Variants in GAK observed in about 807,000 individuals in gnomAD.
GAK encodes cyclin G associated kinase, also known as cyclin-G-associated kinase.
In GAK, 79 loss-of-function variants were observed where a neutral mutation model predicts 143.9. That is an observed-to-expected ratio of 0.55 (90% CI 0.46 to 0.66). The LOEUF is 0.66. Ranked by LOEUF, GAK falls within the 30% of genes least tolerant of loss-of-function variation. The probability of loss-of-function intolerance (pLI) is 0.00; values close to 1 mark genes in which losing one functional copy is unlikely to be tolerated. For missense variants in GAK, 1,693 were observed against 1,779.7 expected (o/e 0.95, Z 0.88); for synonymous variants, 881 against 765.5 (o/e 1.15, Z -2.49).
intron 24 of GAK, chr4:859,145 G>A (rs1749811981): frequency 1.0e-6 from 1 of 982,940 alleles, no homozygotes; most frequent in African/African-American, 1.7e-5. Context: ...CGGGCCTGAG[G>A]CAGACGTGGG....
intron 14 of GAK, 60 bp downstream of exon 14, chr4:882,637 T>A: frequency 6.3e-7 from 1 of 1,588,660 alleles, no homozygotes; most frequent in South Asian, 1.1e-5. Flanking sequence ...CCTGTTGAAC[T>A]ATGCATGAAA....
At chr4:873,596 G>A (rs1713173142) in intron 18 of GAK, among the ~76,000 whole-genome samples, 1 of 152,074 alleles carries the variant, frequency 6.6e-6, no homozygotes, top group Admixed American at 6.5e-5. Context: ...CCCTCCTTCT[G>A]CCCTTTGTGC....
At chr4:851,195 T>A in intron 25 of GAK, 111 bp from the exon 26 acceptor site, 1 of 899,326 alleles carries the variant, frequency 1.1e-6, no homozygotes, top group African/African-American at 1.7e-5. Context: ...CCTCCCGGCC[T>A]CAAGCGATCC....
intron 20 of GAK, 48 bp downstream of exon 20, chr4:868,491 C>T (rs1330644960): frequency 2.5e-6 from 4 of 1,583,682 alleles, no homozygotes; most frequent in Non-Finnish European, 3.4e-6. Context: ...CACCTCCAGA[C>T]CAGGGGCCTG....
chr4:864,122 G>C (rs1750734128), intron 23 of GAK, among the ~76,000 whole-genome samples: 1 of 152,220 alleles, frequency 6.6e-6, no homozygotes, highest in African/African-American at 2.4e-5. Flanking sequence ...ACCCTGAGAG[G>C]CTGAGGTGCA....
intron 11 of GAK, chr4:886,333 G>A (rs1716320268): frequency 6.6e-6 from 1 of 152,188 alleles, no homozygotes; most frequent in African/African-American, 2.4e-5. Context: ...GAACCCATGG[G>A]TCCCAGCAGA....
chr4:909,686 G>A (rs1039982711), intron 4 of GAK, among the ~76,000 whole-genome samples: 3 of 152,208 alleles, frequency 2.0e-5, no homozygotes, highest in African/African-American at 4.8e-5. Flanking sequence ...TGGTCTTGAC[G>A]TCTGCGACTT....
chr4:904,571 C>A (rs968368981), intron 5 of GAK, 66 bp downstream of exon 5: 1 of 1,486,134 alleles, frequency 6.7e-7, no homozygotes, highest in African/African-American at 1.4e-5. Context: ...GGATGATGGG[C>A]GGCTCCTAAC....
At chr4:903,192 T>C (rs1178093700) in intron 5 of GAK, among the ~76,000 whole-genome samples, 51 of 150,196 alleles carry the variant, frequency 3.4e-4, no homozygotes, top group African/African-American at 1.2e-3. Context: ...AGCCCCAGTC[T>C]AGAAGCATCT....
intron 20 of GAK, among the ~76,000 whole-genome samples, chr4:867,709 G>A (rs73207789): frequency 0.033 from 5,063 of 152,074 alleles, 134 homozygotes; most frequent in Non-Finnish European, 0.053. Context: ...TCCCCACGGC[G>A]CGTCCCCTCA....
rs200546487 is a variant in GAK, at chr4:911,439, G to A, written c.382+234C>T. Among the ~76,000 whole-genome samples the A allele has an allele frequency of 1.1e-4, 16 of 152,312 alleles. No individual in the cohort carries two copies. In the East Asian group the frequency reaches 3.1e-3, roughly 29 times the overall value. On this transcript the variant is annotated intron_variant, in intron 4 of 27. Coordinates refer to ENST00000314167, the MANE Select transcript of GAK (RefSeq NM_005255.4). ...GAGCCCGGCTCTCTGGCTGCCCGCA[G>A]CTCCACGAGGAGACGATGCAGGTGG...
rs767880649 is a variant in GAK, at chr4:867,078, G to A, written c.2750C>T (p.Pro917Leu). Residue 917 changes from proline (P) to leucine (L), a missense_variant, in exon 21 of 28, where the codon CCC becomes CTC. Physicochemically the swap from Pro to Leu is moderately conservative, Grantham distance 98 (BLOSUM62 -3). Transcript: ENST00000314167. ...NTDLLSCLLG[P>L]PEAASQGPPE... ...GGGCCCCTGGGAGGCGGCCTCAGGG[G>A]GCCCAAGGAGGCAGCTGAGCAGGTC... 3.2e-6 allele frequency: 5 copies of A among 1,543,062 alleles called. No individual in the cohort carries two copies. The Admixed American group carries it at 9.8e-5, about 30-fold the overall frequency.
intron 1 of GAK, chr4:913,874 G>C (rs1467504394): frequency 4.2e-5 from 16 of 379,874 alleles, no homozygotes; most frequent in East Asian, 1.0e-4. Context: ...AGCGTGCACG[G>C]CCCCCCCACA....
rs183932253 is a variant in GAK, at chr4:888,577, C to T, written c.1205+270G>A. ...GCCAGGAACGCCCCAGAGTGAGGGGCGACATTGCAGCAAGGGAGGGGAGGG... is the reference window on the plus strand; with the variant it reads ...GCCAGGAACGCCCCAGAGTGAGGGGTGACATTGCAGCAAGGGAGGGGAGGG... On this transcript the variant is annotated intron_variant, in intron 11 of 27. Transcript: ENST00000314167. 1.0e-4 allele frequency: 48 copies of T among 459,220 alleles called. 1 individual carries two copies. Among genetic ancestry groups the T allele is most frequent in the South Asian group, 4.4e-4 (16 of 36,532 alleles). 28.4% of individuals were successfully genotyped at this position (459,220 alleles called of 1,614,324 possible).
chr4:907,032 G>A (rs1003651151), intron 4 of GAK, among the ~76,000 whole-genome samples: 51 of 152,332 alleles, frequency 3.3e-4, no homozygotes, highest in African/African-American at 1.0e-3. Context: ...CCTGCCATGG[G>A]CATGGATCAG....
intron 25 of GAK, chr4:851,344 C>T (rs1401254763): frequency 4.5e-6 from 2 of 448,602 alleles, no homozygotes; most frequent in Middle Eastern, 6.1e-4. Flanking sequence ...GATCTGTCCG[C>T]CTCAGCCTCC....
chr4:871,260 C>T (rs1015584924), intron 18 of GAK, among the ~76,000 whole-genome samples: 2 of 152,264 alleles, frequency 1.3e-5, no homozygotes, highest in Admixed American at 6.5e-5. Context: ...GTGCTCAGAG[C>T]AGACGGGACA....
chr4:872,249 CCT>C (rs1343110924), intron 18 of GAK: 1 of 152,318 alleles, frequency 6.6e-6, no homozygotes, highest in Non-Finnish European at 1.5e-5. Context: ...CTGTGCCCGC[CCT>C]GAGGGGTGGC....
intron 1 of GAK, among the ~76,000 whole-genome samples, chr4:919,445 C>A (rs772009894): frequency 1.3e-5 from 2 of 152,276 alleles, no homozygotes; most frequent in Non-Finnish European, 2.9e-5. Context: ...TCTCTGGGTG[C>A]CTCCCCAGCC....
Sources: allele counts gnomAD v4.1 joint callset (sites outside exome capture counted in the v4.1 genomes callset), GRCh38; gene constraint gnomAD v4.1.1; transcripts MANE v1.5; gene names NCBI Gene and HGNC (gene_info 2026-07-23, HGNC 2026-07-21).